Variants in NFX1 observed in about 807,000 individuals in gnomAD.
The protein encoded by NFX1 is transcriptional repressor NF-X1.
Under a neutral mutation model 137.2 loss-of-function variants are expected in NFX1, and 69 were observed. The observed-to-expected ratio is 0.50, with a 90% CI of 0.41 to 0.61. The LOEUF (loss-of-function observed/expected upper bound fraction) is 0.61, where lower values mean the gene tolerates loss of function less well. Ranked by LOEUF, NFX1 falls within the 20% of genes least tolerant of loss-of-function variation. The probability of loss-of-function intolerance (pLI) is 0.00; values close to 1 mark genes in which losing one functional copy is unlikely to be tolerated. For missense variants in NFX1, 1,167 were observed against 1,391.0 expected, an observed-to-expected ratio of 0.84 and a Z score of 2.56; for synonymous variants, 495 against 474.1, an observed-to-expected ratio of 1.04 and a Z score of -0.57.
intron 15 of NFX1, among the ~76,000 whole-genome samples, chr9:33,351,169 CTG>C (rs1471306297): frequency 6.6e-6 from 1 of 150,832 alleles, no homozygotes; most frequent in African/African-American, 2.4e-5. Context: ...TAAATACAAA[CTG>C]TTATTGCCAG....
chr9:33,338,735 C>T (rs1023441564), intron 12 of NFX1, 146 bp downstream of exon 12: 3 of 662,648 alleles, frequency 4.5e-6, no homozygotes, highest in East Asian at 3.0e-5. Flanking sequence ...TCATAGTCCC[C>T]ATAACCTCTC....
At chr9:33,330,138 C>T (rs1001279262) in intron 10 of NFX1, among the ~76,000 whole-genome samples, 7 of 152,146 alleles carry the variant, frequency 4.6e-5, no homozygotes, top group African/African-American at 9.7e-5. Context: ...AAAAAGTCTT[C>T]GGGTGATTCA....
At chr9:33,303,125 AT>A in intron 3 of NFX1, 65 bp from the exon 4 acceptor site, 4 of 1,288,716 alleles carry the variant, frequency 3.1e-6, no homozygotes, top group East Asian at 2.3e-5. Context: ...ATAGATTTAA[AT>A]TTTTTTAATT....
At chr9:33,362,352 T>C (rs994617062) in intron 19 of NFX1, among the ~76,000 whole-genome samples, 1 of 152,020 alleles carries the variant, frequency 6.6e-6, no homozygotes, top group Non-Finnish European at 1.5e-5. Context: ...AGCCAAGATA[T>C]GAAATCAACT....
At chr9:33,307,390 T>G in intron 5 of NFX1, 91 bp downstream of exon 5, 1 of 1,116,502 alleles carries the variant, frequency 9.0e-7, no homozygotes, top group Non-Finnish European at 1.4e-6. Context: ...ATGTAATGGT[T>G]TGGGATGAAG....
intron 5 of NFX1, among the ~76,000 whole-genome samples, chr9:33,308,225 T>C (rs1385069668): frequency 2.0e-5 from 3 of 152,168 alleles, no homozygotes; most frequent in African/African-American, 7.2e-5. Context: ...GAGGATTGCT[T>C]GAGGCCAGGA....
At chr9:33,316,005 C>G (rs2118360220) in intron 7 of NFX1, among the ~76,000 whole-genome samples, 1 of 152,000 alleles carries the variant, frequency 6.6e-6, no homozygotes, top group Admixed American at 6.5e-5. Flanking sequence ...TGAGATTTTT[C>G]ACTGAGACGG....
At chr9:33,300,422 T>C (rs1821515672) in intron 2 of NFX1, among the ~76,000 whole-genome samples, 1 of 152,118 alleles carries the variant, frequency 6.6e-6, no homozygotes, top group Non-Finnish European at 1.5e-5. Flanking sequence ...AATGTTGTAT[T>C]TAAGGTTAAT....
intron 7 of NFX1, among the ~76,000 whole-genome samples, chr9:33,317,734 G>C (rs140931627): frequency 4.5e-4 from 69 of 151,864 alleles, no homozygotes; most frequent in Admixed American, 9.2e-4. Context: ...CCAGCCCTTT[G>C]GGAAGCTGAG....
rs1385578891 is a variant in NFX1 at position 33,366,718 on chromosome 9, G to A, written c.3129G>A (p.Leu1043=). Reference sequence around the variant, plus strand: ...ATGACTTGGCCCAAGTTTATGGCCTGGAGAGCGTGAGCTATGACAGTGAAC... The same window carrying A: ...ATGACTTGGCCCAAGTTTATGGCCTAGAGAGCGTGAGCTATGACAGTGAAC... ...IIHDLAQVYG[L]ESVSYDSEPK... Residue 1043 remains leucine (L), a synonymous_variant, in exon 22 of 24, where the codon CTG becomes CTA. Transcript: ENST00000379540. 6.2e-7 allele frequency: 1 copy of A among 1,614,224 alleles called. No individual in the cohort carries two copies. Among genetic ancestry groups the A allele is most frequent in the Admixed American group, 1.7e-5 (1 of 60,028 alleles).
chr9:33,316,185 T>G (rs1262294842), intron 7 of NFX1, among the ~76,000 whole-genome samples: 1 of 152,180 alleles, frequency 6.6e-6, no homozygotes, highest in East Asian at 1.9e-4. Flanking sequence ...TTCCAGCCCC[T>G]GTTTTTAATA....
At chr9:33,359,619 G>A (rs992964720) in intron 19 of NFX1, among the ~76,000 whole-genome samples, 7 of 151,950 alleles carry the variant, frequency 4.6e-5, no homozygotes, top group Non-Finnish European at 7.4e-5. Flanking sequence ...AAAAATAGAT[G>A]TTCCTGACTA....
chr9:33,365,554 G>A (rs186360022), intron 21 of NFX1: 6 of 152,396 alleles, frequency 3.9e-5, no homozygotes, highest in African/African-American at 1.4e-4. Flanking sequence ...CCTGCAGTAA[G>A]CTGAGGTTGA....
At position 33,369,949 on chromosome 9, in the gene NFX1, A is replaced by G; in HGVS notation, c.3334A>G (p.Ile1112Val). 2 of 1,613,532 alleles carry G rather than the reference A, an allele frequency of 1.2e-6. No individual in the cohort carries two copies. Among genetic ancestry groups the G allele is most frequent in the Non-Finnish European group, 1.7e-6 (2 of 1,179,522 alleles). Residue 1112 changes from isoleucine to valine, a missense_variant, in exon 24 of 24, where the codon ATA becomes GTA. By Grantham distance (29) the Ile-to-Val change is conservative. This residue lies in a region of NFX1 where 312 missense variants were observed against 312.8 expected (regional missense o/e 1.00). Transcript: ENST00000379540. ...SNLQKITKEPIIDYFDVQD is the reference protein window; with the variant it reads ...SNLQKITKEPVIDYFDVQD ...TTTACAGAAAATAACCAAGGAGCCA[A>G]TAATTGACTATTTTGACGTCCAGGA... is the stretch of plus-strand genomic sequence containing the variant.
intron 17 of NFX1, 121 bp from the exon 18 acceptor site, chr9:33,353,965 C>A: frequency 1.2e-6 from 1 of 841,822 alleles, no homozygotes; most frequent in Non-Finnish European, 1.8e-6. Flanking sequence ...GCTGGGCTTA[C>A]AGGCGTGAGC....
At chr9:33,364,798 G>C (rs1261268010) in intron 21 of NFX1, 24 bp downstream of exon 21, 2 of 1,612,742 alleles carry the variant, frequency 1.2e-6, no homozygotes, top group Non-Finnish European at 1.7e-6. Flanking sequence ...CATCCCACTG[G>C]ACATTTCTCT....
At chr9:33,347,204 A>G in intron 15 of NFX1, 87 bp downstream of exon 15, 1 of 995,920 alleles carries the variant, frequency 1.0e-6, no homozygotes, top group South Asian at 1.5e-5. Flanking sequence ...TCGTCTGTCA[A>G]AGTAAATACA....
intron 6 of NFX1, among the ~76,000 whole-genome samples, chr9:33,311,400 A>C (rs1821954798): frequency 6.6e-6 from 1 of 152,244 alleles, no homozygotes; most frequent in African/African-American, 2.4e-5. Context: ...GCAACTTGAG[A>C]GACCAAATGT....
At chr9:33,309,750 C>T (rs1222232640) in intron 5 of NFX1, among the ~76,000 whole-genome samples, 2 of 152,200 alleles carry the variant, frequency 1.3e-5, no homozygotes, top group African/African-American at 4.8e-5. Context: ...ACCTCAGCCT[C>T]CCAAAGTGCT....
Sources: allele counts gnomAD v4.1 joint callset (sites outside exome capture counted in the v4.1 genomes callset), GRCh38; gene constraint gnomAD v4.1.1; regional missense constraint gnomAD v4.1.1; transcripts MANE v1.5; gene names NCBI Gene and HGNC (gene_info 2026-07-23, HGNC 2026-07-21).